The following OGFOD3 variants were observed in gnomAD, a reference collection of about 807,000 sequenced individuals.
The protein encoded by OGFOD3 is 2-oxoglutarate and iron-dependent oxygenase domain-containing protein 3.
A neutral mutation model predicts 39.8 loss-of-function variants in OGFOD3; 35 were observed. The observed-to-expected ratio is 0.88, with a 90% CI of 0.67 to 1.17. The LOEUF (loss-of-function observed/expected upper bound fraction) is 1.17. Ranked by LOEUF, OGFOD3 falls within the 50% of genes most tolerant of loss-of-function variation. OGFOD3 has a pLI of 0.00. For synonymous variants in OGFOD3, 200 were observed against 192.0 expected (o/e 1.04, Z -0.34); for missense variants, 438 against 454.5 (o/e 0.96, Z 0.33).
intron 4 of OGFOD3, among the ~76,000 whole-genome samples, chr17:82,408,368 C>A (rs1379170833): frequency 6.6e-6 from 1 of 152,142 alleles, no homozygotes; most frequent in Non-Finnish European, 1.5e-5. Flanking sequence ...GACAATTCCA[C>A]ACACCGAGCA....
chr17:82,417,717 A>C (rs1253689040), intron 1 of OGFOD3, among the ~76,000 whole-genome samples: 1 of 152,126 alleles, frequency 6.6e-6, no homozygotes, highest in Non-Finnish European at 1.5e-5. Context: ...AGGGATAAAA[A>C]TCTCAAGAAC....
chr17:82,397,050 G>C (rs900842968), intron 8 of OGFOD3, among the ~76,000 whole-genome samples: 14 of 152,216 alleles, frequency 9.2e-5, no homozygotes, highest in Admixed American at 5.2e-4. Flanking sequence ...ATGGCAGGAA[G>C]TGGCCGGGCA....
At chr17:82,394,534 C>G in intron 8 of OGFOD3, 1 of 1,609,976 alleles carries the variant, frequency 6.2e-7, no homozygotes, top group Non-Finnish European at 8.5e-7. Flanking sequence ...CATCCGGAAA[C>G]AAAAACATCC....
chr17:82,402,440 AAAAGAAAG>A (rs545909421), intron 7 of OGFOD3, among the ~76,000 whole-genome samples: 3 of 151,142 alleles, frequency 2.0e-5, no homozygotes, highest in African/African-American at 7.3e-5. Context: ...CTCAAAAAAA[AAAAGAAAG>A]AAAGAAAGAA....
At chr17:82,394,539 A>T (rs751958762) in intron 8 of OGFOD3, 72 of 1,609,794 alleles carry the variant, frequency 4.5e-5, no homozygotes, top group Non-Finnish European at 5.9e-5. Flanking sequence ...GGAAACAAAA[A>T]CATCCTGGGG....
Position 82,391,016 on chromosome 17 carries a change from C to T in OGFOD3, c.*1382G>A. The T allele has an allele frequency of 5.6e-6, 1 of 179,426 alleles. No individual in the cohort carries two copies. Among genetic ancestry groups the T allele is most frequent in the Non-Finnish European group, 1.2e-5 (1 of 83,818 alleles). 11.1% of individuals were successfully genotyped at this position (179,426 alleles called of 1,614,324 possible). On this transcript the variant is annotated 3_prime_UTR_variant, in exon 9 of 9. Coordinates refer to ENST00000313056, the MANE Select transcript of OGFOD3 (RefSeq NM_024648.3). This position sits in a 1 kb window ranked among gnomAD's most constrained non-coding sequence, Gnocchi z 5.1. ...AGGTGGGGCCTCCTCCAGTCAGAGG[C>T]ACCTGTGCCAGGGGCTAGGGAACAT...
rs1342829389 is a variant in OGFOD3, at chr17:82,389,260, A to G, written c.*3138T>C. ...AAAGGAATAATCATCTTTGACTTTA[A>G]TGAAACACTTTTACTTAAAAATAGA... On this transcript the variant is annotated 3_prime_UTR_variant, in exon 9 of 9. Transcript: ENST00000313056. The surrounding 1 kb of genome is among the most constrained non-coding windows in gnomAD (Gnocchi z 4.6). The G allele has an allele frequency of 6.6e-6, 1 of 152,194 alleles. No homozygotes were observed. Among genetic ancestry groups the G allele is most frequent in the Non-Finnish European group, 1.5e-5 (1 of 68,036 alleles). 9.4% of individuals were successfully genotyped at this position (152,194 alleles called of 1,614,324 possible).
In OGFOD3 at chr17:82,398,257, G is replaced by T. The variant is rs772268770; in HGVS notation, c.762C>A (p.Phe254Leu). 2.5e-6 allele frequency: 4 copies of T among 1,614,050 alleles called. No homozygotes were observed. The highest frequency in any genetic ancestry group is 2.5e-6 in the Non-Finnish European group (3 of 1,180,036). The change falls in exon 8 of 9, where the codon TTC becomes TTA. Residue 254 changes from phenylalanine (F) to leucine (L), a missense_variant. Physicochemically the swap from Phe to Leu is conservative, Grantham distance 22. Transcript: ENST00000313056. Reference sequence around the variant, plus strand: ...CCATGAACATGAACCGCCCTCCGCCGAAGTCCTCCAGGTAGTTGGAGAGGT... The same window carrying T: ...CCATGAACATGAACCGCCCTCCGCCTAAGTCCTCCAGGTAGTTGGAGAGGT... ...LLYLSNYLED[F>L]GGGRFMFMEE...
In OGFOD3 at chr17:82,404,474, G is replaced by A. The variant is rs902966693; in HGVS notation, c.546-384C>T. On this transcript the variant is annotated intron_variant, in intron 6 of 8. Coordinates refer to ENST00000313056, the MANE Select transcript of OGFOD3 (RefSeq NM_024648.3). The surrounding 1 kb of genome is among the most constrained non-coding windows in gnomAD (Gnocchi z 4.5). ...CTGCTGTCCCCCAACGTGAGTGTGC[G>A]GGGTGTGTGGACGTGGGGAGAGGGG... 2.6e-5 allele frequency among the ~76,000 whole-genome samples: 4 copies of A among 152,160 alleles called. No homozygotes were observed. The highest frequency in any genetic ancestry group is 6.5e-5 in the Admixed American group (1 of 15,280).
chr17:82,408,900 A>G (rs998845395), intron 4 of OGFOD3, among the ~76,000 whole-genome samples: 1 of 152,214 alleles, frequency 6.6e-6, no homozygotes, highest in Non-Finnish European at 1.5e-5. Flanking sequence ...CTCACATGGG[A>G]CGACAGCCCC....
Position 82,406,595 on chromosome 17 carries a change from G to GT in OGFOD3, c.424-114dup. 3 of 873,256 alleles carry GT rather than the reference G, an allele frequency of 3.4e-6. No homozygotes were observed. The highest frequency in any genetic ancestry group is 1.4e-5 in the South Asian group (1 of 70,662). 54.1% of individuals were successfully genotyped at this position (873,256 alleles called of 1,614,324 possible). Reference sequence around the variant, plus strand: ...GGTCTGGCCAGCACACACCTCAGGTGTTTTTTTGTTTTTGTTTTTGTTTTT... The same window carrying GT: ...GGTCTGGCCAGCACACACCTCAGGTGTTTTTTTTGTTTTTGTTTTTGTTTTT... On this transcript the variant is annotated intron_variant, in intron 4 of 8. Coordinates refer to ENST00000313056, the MANE Select transcript of OGFOD3 (RefSeq NM_024648.3). The surrounding 1 kb of genome is among the most constrained non-coding windows in gnomAD (Gnocchi z 5.2).
Position 82,415,754 on chromosome 17 carries a change from T to A in OGFOD3, c.75-127A>T, listed in dbSNP as rs2053023098. On this transcript the variant is annotated intron_variant, in intron 1 of 8. Transcript: ENST00000313056. This position sits in a 1 kb window ranked among gnomAD's most constrained non-coding sequence, Gnocchi z 5.3. Reference sequence around the variant, plus strand: ...ACACGTCACCCCTGAAACGAGGGCTTCCTGCCTGGGGCCAGCGCTGTCCAC... The same window carrying A: ...ACACGTCACCCCTGAAACGAGGGCTACCTGCCTGGGGCCAGCGCTGTCCAC... 7 of 800,950 alleles carry A rather than the reference T, an allele frequency of 8.7e-6. No homozygotes were observed. In the Admixed American group the frequency reaches 1.7e-4, roughly 19 times the overall value. The allele number at this position is 800,950 out of a possible 1,614,324, so 49.6% of individuals were successfully genotyped here.
intron 2 of OGFOD3, among the ~76,000 whole-genome samples, chr17:82,412,473 A>T (rs114305771): frequency 4.7e-5 from 6 of 126,404 alleles, no homozygotes; most frequent in Middle Eastern, 4.3e-3. Flanking sequence ...GGCAGGGGCA[A>T]GGTCGTTTGG....
intron 7 of OGFOD3, among the ~76,000 whole-genome samples, chr17:82,403,380 C>T (rs143396687): frequency 1.2e-3 from 183 of 152,274 alleles, no homozygotes; most frequent in African/African-American, 4.2e-3. Context: ...ACCTGTAATC[C>T]CAGCACTTTG....
rs776160107 is a variant in OGFOD3 at position 82,403,979 on chromosome 17, C to T, written c.657G>A (p.Ala219=). 3 of 1,609,552 alleles carry T rather than the reference C, an allele frequency of 1.9e-6. No homozygotes were observed. The highest frequency in any genetic ancestry group is 2.2e-5 in the South Asian group (2 of 90,130). ...TFFSRINSTE[A]RTAHDEYWHA... ...GCCAGTACTCGTCGTGCGCCGTCCG[C>T]GCTTCCGTGCTGTTTATGCGGGAGA... Residue 219 remains alanine, a synonymous_variant, in exon 7 of 9, where the codon GCG becomes GCA. Transcript: ENST00000313056.
In OGFOD3 at chr17:82,406,520, G is replaced by A. The variant is rs747000036; in HGVS notation, c.424-38C>T. The A allele has an allele frequency of 6.5e-7, 1 of 1,536,812 alleles. No homozygotes were observed. The highest frequency in any genetic ancestry group is 9.0e-7 in the Non-Finnish European group (1 of 1,109,704). On this transcript the variant is annotated intron_variant, in intron 4 of 8. Coordinates refer to ENST00000313056, the MANE Select transcript of OGFOD3 (RefSeq NM_024648.3). The surrounding 1 kb of genome is among the most constrained non-coding windows in gnomAD (Gnocchi z 5.2). Reference sequence around the variant, plus strand: ...TTGTGGAGTAAAGCGTGCAGCCGCAGCAATGGCAATGGCTGTTAAAAGTCA... The same window carrying A: ...TTGTGGAGTAAAGCGTGCAGCCGCAACAATGGCAATGGCTGTTAAAAGTCA...
intron 1 of OGFOD3, 34 bp downstream of exon 1, chr17:82,418,378 C>G (rs768299755): frequency 1.4e-6 from 2 of 1,441,756 alleles, no homozygotes; most frequent in South Asian, 2.6e-5. Context: ...CTGTCCGCCG[C>G]CGCAGCGCGC....
chr17:82,409,887 T>G (rs891528644), intron 3 of OGFOD3, among the ~76,000 whole-genome samples: 1 of 151,480 alleles, frequency 6.6e-6, no homozygotes, highest in Non-Finnish European at 1.5e-5. Flanking sequence ...AAAGCAAGAC[T>G]CTGTCAAGAA....
chr17:82,416,457 C>T (rs1023172567), intron 1 of OGFOD3, among the ~76,000 whole-genome samples: 22 of 151,896 alleles, frequency 1.4e-4, no homozygotes, highest in Non-Finnish European at 2.1e-4. Context: ...CAGGGTGGGG[C>T]GGAGGTGAGC....
Sources: allele counts gnomAD v4.1 joint callset (sites outside exome capture counted in the v4.1 genomes callset), GRCh38; gene constraint gnomAD v4.1.1; non-coding constraint Gnocchi (gnomAD v3.1); transcripts MANE v1.5; gene names NCBI Gene and HGNC (gene_info 2026-07-23, HGNC 2026-07-21).